Variants in SRRM2 observed in about 807,000 individuals in gnomAD.
SRRM2 encodes serine/arginine repetitive matrix 2.
SRRM2 carries 30 observed loss-of-function variants against 213.8 expected under a neutral mutation model. The observed-to-expected ratio is 0.14, with a 90% CI of 0.10 to 0.19. SRRM2 has a LOEUF of 0.19. Among genes scored for constraint, SRRM2 ranks in the 10% least tolerant of loss-of-function variants. SRRM2 has a pLI of 1.00. For synonymous variants in SRRM2, 2,025 were observed against 1,377.7 expected, an observed-to-expected ratio of 1.47 and a Z score of -10.40; for missense variants, 4,904 against 3,647.0, an observed-to-expected ratio of 1.34 and a Z score of -8.88.
Position 2,771,027 on chromosome 16 carries a change from G to C in SRRM2, c.*160G>C, listed in dbSNP as rs1261629778. On this transcript the variant is annotated 3_prime_UTR_variant, in exon 15 of 15. Transcript: ENST00000301740. ...TTTCCCTCCCCTTTTTTTTTTCTTT[G>C]TTCCTGTGAAATGTTAATCTCCGTG... is the stretch of plus-strand genomic sequence containing the variant. The C allele has an allele frequency of 1.5e-6, 1 of 677,194 alleles. No individual in the cohort carries two copies. Among genetic ancestry groups the C allele is most frequent in the Non-Finnish European group, 2.2e-6 (1 of 451,220 alleles). The allele number at this position is 677,194 out of a possible 1,614,324, so 41.9% of individuals were successfully genotyped here.
intron 1 of SRRM2, among the ~76,000 whole-genome samples, chr16:2,756,098 G>T (rs900682989): frequency 1.3e-5 from 2 of 152,172 alleles, no homozygotes; most frequent in African/African-American, 4.8e-5. Context: ...CTGTGCAAGG[G>T]CATTGAGAGA....
chr16:2,765,942 G>A lies in SRRM2; in HGVS notation c.5414G>A (p.Arg1805Gln), dbSNP rs377462035. The A allele has an allele frequency of 9.9e-6, 16 of 1,614,050 alleles. No individual in the cohort carries two copies. Among genetic ancestry groups the A allele is most frequent in the Admixed American group, 8.3e-5 (5 of 60,004 alleles). Residue 1805 changes from arginine to glutamine, a missense_variant, in exon 11 of 15, where the codon CGG (arginine) becomes CAG (glutamine). Coordinates refer to ENST00000301740, the MANE Select transcript of SRRM2 (RefSeq NM_016333.4). ...ACCTCTCGGCGAAGACAGCGGAGCC[G>A]GTCAAGGTCGCGGGTTACTCGGCGG... ...QSTSRRRQRSRSRSRVTRRRR... is the reference protein window; with the variant it reads ...QSTSRRRQRSQSRSRVTRRRR...
intron 9 of SRRM2, 171 bp from the exon 10 acceptor site, chr16:2,760,130 C>T (rs541594784): frequency 1.5e-6 from 1 of 667,420 alleles, no homozygotes; most frequent in African/African-American, 1.8e-5. Context: ...AAAGAAGAAC[C>T]AAAGTGGACT....
chr16:2,762,145 A>G lies in SRRM2; in HGVS notation c.1617A>G (p.Arg539=), dbSNP rs1170463338. 1.2e-6 allele frequency: 2 copies of G among 1,614,196 alleles called. No homozygotes were observed. The highest frequency in any genetic ancestry group is 2.2e-5 in the East Asian group (1 of 44,884). ...GTGGCCGCTCTAGGTCTCCTCAGCGACCAGGCTGGTCTAGGAGCAGAAATA... is the reference window on the plus strand; with the variant it reads ...GTGGCCGCTCTAGGTCTCCTCAGCGGCCAGGCTGGTCTAGGAGCAGAAATA... ...QRRGRSRSPQ[R]PGWSRSRNTQ... The change falls in exon 11 of 15, where the codon CGA becomes CGG. Residue 539 remains arginine (R), a synonymous_variant. Coordinates refer to ENST00000301740, the MANE Select transcript of SRRM2 (RefSeq NM_016333.4).
In SRRM2 at chr16:2,752,698, C is replaced by G; in HGVS notation, c.-180C>G. 1 of 336,366 alleles carries G rather than the reference C, an allele frequency of 3.0e-6. No homozygotes were observed. Among genetic ancestry groups the G allele is most frequent in the South Asian group, 2.0e-5 (1 of 50,304 alleles). 20.8% of individuals were successfully genotyped at this position (336,366 alleles called of 1,614,324 possible). A position where few individuals can be genotyped will look rare whatever the true frequency, so the allele number is the denominator to read the frequency against. ...GTGGCGCAGTTGGAGCCCGTTGCGG[C>G]CCCTGAGGAAGCGAGGAGGCGTCGG... On this transcript the variant is annotated 5_prime_UTR_variant, in exon 1 of 15. Transcript: ENST00000301740.
intron 2 of SRRM2, 31 bp from the exon 3 acceptor site, chr16:2,757,441 G>C (rs768523986): frequency 2.5e-6 from 4 of 1,601,392 alleles, no homozygotes; most frequent in Admixed American, 1.7e-5. Flanking sequence ...GTGTCCTGTC[G>C]AGCTTAACCC....
Position 2,762,262 on chromosome 16 carries a change from A to G in SRRM2, c.1734A>G (p.Pro578=). Residue 578 remains proline (P), a synonymous_variant, in exon 11 of 15, where the codon CCA becomes CCG. Coordinates refer to ENST00000301740, the MANE Select transcript of SRRM2 (RefSeq NM_016333.4). ...ATRGRSRSRT[P]ARRGRSRSRT... ...GGGGTAGATCTCGTTCTAGAACACC[A>G]GCCCGCCGGGGCAGGTCCCGCTCTA... is the stretch of plus-strand genomic sequence containing the variant. The G allele has an allele frequency of 6.2e-7, 1 of 1,601,690 alleles. No homozygotes were observed. Among genetic ancestry groups the G allele is most frequent in the South Asian group, 1.1e-5 (1 of 90,818 alleles).
At chr16:2,755,175 A>C (rs150038697) in intron 1 of SRRM2, among the ~76,000 whole-genome samples, 288 of 152,362 alleles carry the variant, frequency 1.9e-3, no homozygotes, top group Non-Finnish European at 3.1e-3. Flanking sequence ...AGAAAGGAAT[A>C]GAGTATGTGT....
chr16:2,758,035 C>T, intron 4 of SRRM2, 90 bp downstream of exon 4: 15 of 1,459,860 alleles, frequency 1.0e-5, no homozygotes, highest in Non-Finnish European at 1.4e-5. Flanking sequence ...TGGTTTCTTC[C>T]CAAACTCTTC....
At position 2,766,920 on chromosome 16, in the gene SRRM2, G is replaced by T; in HGVS notation, c.6392G>T (p.Arg2131Ile). The T allele has an allele frequency of 6.2e-7, 1 of 1,614,096 alleles. No homozygotes were observed. The highest frequency in any genetic ancestry group is 1.3e-5 in the African/African-American group (1 of 75,046). ...SMSPTPLDRC[R>I]SPGMLEPLGS... ...TCCCCAACACCTCTTGATCGCTGCAGATCACCTGGAATGCTTGAACCCCTT... is the reference window on the plus strand; with the variant it reads ...TCCCCAACACCTCTTGATCGCTGCATATCACCTGGAATGCTTGAACCCCTT... The change falls in exon 11 of 15, where the codon AGA becomes ATA. Residue 2131 changes from arginine to isoleucine, a missense_variant. Arg to Ile is a moderately conservative substitution (Grantham distance 97). Coordinates refer to ENST00000301740, the MANE Select transcript of SRRM2 (RefSeq NM_016333.4). The surrounding 1 kb of genome is among the most constrained non-coding windows in gnomAD (Gnocchi z 7.0).
chr16:2,770,533 C>T lies in SRRM2; in HGVS notation c.8135+68C>T. 14 of 1,557,528 alleles carry T rather than the reference C, an allele frequency of 9.0e-6. No individual in the cohort carries two copies. The Admixed American group carries it at 2.3e-4, about 26-fold the overall frequency. On this transcript the variant is annotated intron_variant, in intron 13 of 14. Transcript: ENST00000301740. ...CCACTGCTTTCTACAAAGAAGAAAG[C>T]TTTGCGGTTGTGGCTATGTGGTGCC...
intron 10 of SRRM2, chr16:2,760,704 C>G: frequency 1.7e-6 from 1 of 585,424 alleles, no homozygotes. Context: ...AGAATCAAAT[C>G]TCACTGGATG....
rs796518195 is a variant in SRRM2 at position 2,771,067 on chromosome 16, C to T, written c.*200C>T. The T allele has an allele frequency of 2.4e-5, 9 of 370,384 alleles. No homozygotes were observed. Among genetic ancestry groups the T allele is most frequent in the African/African-American group, 1.2e-4 (5 of 41,176 alleles). 22.9% of individuals were successfully genotyped at this position (370,384 alleles called of 1,614,324 possible). ...TAATCTCCGTGAGTTCTTCCTGGTT[C>T]ATGTGTTCTGGGGGGTTTGGGGTGG... On this transcript the variant is annotated 3_prime_UTR_variant, in exon 15 of 15. Coordinates refer to ENST00000301740, the MANE Select transcript of SRRM2 (RefSeq NM_016333.4).
chr16:2,765,474 C>A lies in SRRM2; in HGVS notation c.4946C>A (p.Pro1649His), dbSNP rs143147054. 1.2e-6 allele frequency: 2 copies of A among 1,614,190 alleles called. No individual in the cohort carries two copies. The highest frequency in any genetic ancestry group is 1.7e-6 in the Non-Finnish European group (2 of 1,180,040). ...TCAAGCAAAGGCAGAGGCCCTTCTC[C>A]TGAAGGAAGCAGCAGTACCGAGTCC... is the stretch of plus-strand genomic sequence containing the variant. Reference protein sequence around the residue: ...GSSSKGRGPSPEGSSSTESSP... With the variant: ...GSSSKGRGPSHEGSSSTESSP... Residue 1649 changes from proline to histidine, a missense_variant, in exon 11 of 15, where the codon CCT (proline) becomes CAT (histidine). Pro to His is a moderately conservative substitution (Grantham distance 77). Coordinates refer to ENST00000301740, the MANE Select transcript of SRRM2 (RefSeq NM_016333.4).
intron 1 of SRRM2, 69 bp from the exon 2 acceptor site, chr16:2,756,265 T>C: frequency 7.3e-7 from 1 of 1,361,840 alleles, no homozygotes. Context: ...AGCAGGGACT[T>C]GGGTGTGGGG....
chr16:2,764,164 A>G lies in SRRM2; in HGVS notation c.3636A>G (p.Glu1212=), dbSNP rs2068459745. ...FKDTLRTPPR[E]RSGAGSSPET... ...ACACACTTAGAACCCCGCCAAGGGA[A>G]AGAAGTGGTGCTGGGTCATCTCCAG... Residue 1212 remains glutamate (E), a synonymous_variant, in exon 11 of 15, where the codon GAA becomes GAG. Coordinates refer to ENST00000301740, the MANE Select transcript of SRRM2 (RefSeq NM_016333.4). 3 of 1,614,226 alleles carry G rather than the reference A, an allele frequency of 1.9e-6. No individual in the cohort carries two copies. The highest frequency in any genetic ancestry group is 3.3e-5 in the Admixed American group (2 of 60,030).
Position 2,762,825 on chromosome 16 carries a change from G to T in SRRM2, c.2297G>T (p.Arg766Leu), listed in dbSNP as rs772984806. 1.2e-6 allele frequency: 2 copies of T among 1,614,060 alleles called. No homozygotes were observed. Among genetic ancestry groups the T allele is most frequent in the East Asian group, 2.2e-5 (1 of 44,880 alleles). The change falls in exon 11 of 15, where the codon CGG becomes CTG. Residue 766 changes from arginine (R) to leucine (L), a missense_variant. Physicochemically the swap from Arg to Leu is moderately radical, Grantham distance 102 (BLOSUM62 -2). Transcript: ENST00000301740. ...CGGAGCAGGTCTCTCTCTTCACCACGGTCCAAAGCAAAATCTCGCTTGTCT... is the reference window on the plus strand; with the variant it reads ...CGGAGCAGGTCTCTCTCTTCACCACTGTCCAAAGCAAAATCTCGCTTGTCT... ...SRRSRSLSSP[R>L]SKAKSRLSLR...
In SRRM2 at chr16:2,762,270, G is replaced by A. The variant is rs774198606; in HGVS notation, c.1742G>A (p.Arg581Gln). 1.2e-5 allele frequency: 20 copies of A among 1,601,494 alleles called. No homozygotes were observed. Among genetic ancestry groups the A allele is most frequent in the East Asian group, 2.4e-5 (1 of 42,420 alleles). ...GRSRSRTPAR[R>Q]GRSRSRTPAR... is the part of the protein sequence containing the mutation. Reference sequence around the variant, plus strand: ...TCTCGTTCTAGAACACCAGCCCGCCGGGGCAGGTCCCGCTCTAGAACACCT... The same window carrying A: ...TCTCGTTCTAGAACACCAGCCCGCCAGGGCAGGTCCCGCTCTAGAACACCT... Residue 581 changes from arginine to glutamine, a missense_variant, in exon 11 of 15, where the codon CGG (arginine) becomes CAG (glutamine). Physicochemically the swap from Arg to Gln is conservative, Grantham distance 43. Transcript: ENST00000301740.
At chr16:2,769,706 C>G (rs1036651542) in intron 12 of SRRM2, 1 of 482,084 alleles carries the variant, frequency 2.1e-6, no homozygotes, top group African/African-American at 2.0e-5. Flanking sequence ...GCACATCTGG[C>G]TACTTCCCTC....
Sources: allele counts gnomAD v4.1 joint callset (sites outside exome capture counted in the v4.1 genomes callset), GRCh38; gene constraint gnomAD v4.1.1; non-coding constraint Gnocchi (gnomAD v3.1); transcripts MANE v1.5; gene names NCBI Gene and HGNC (gene_info 2026-07-23, HGNC 2026-07-21).